The following PCDH9 variants were observed in gnomAD, a reference collection of about 807,000 sequenced individuals.
PCDH9 encodes the protein protocadherin 9.
Under a neutral mutation model 70.6 loss-of-function variants are expected in PCDH9, and 24 were observed. That is an observed-to-expected ratio of 0.34 (90% CI 0.25 to 0.48). The LOEUF (loss-of-function observed/expected upper bound fraction) is 0.48, where lower values mean the gene tolerates loss of function less well. PCDH9 is among the 20% of genes least tolerant of loss of function. The pLI, the probability that PCDH9 is intolerant of heterozygous loss-of-function variation, is 0.99. For missense variants in PCDH9, 1,281 were observed against 1,503.6 expected (o/e 0.85, Z 2.45); for synonymous variants, 562 against 558.5 (o/e 1.01, Z -0.09).
chr13:67,174,963 CAAAAA>C (rs376755966), intron 2 of PCDH9, among the ~76,000 whole-genome samples: 3,671 of 127,360 alleles, frequency 0.029, 71 homozygotes, highest in Non-Finnish European at 0.042. Context: ...TCATCTCTAC[CAAAAA>C]AAAAAAAAAA....
intron 4 of PCDH9, among the ~76,000 whole-genome samples, chr13:66,473,483 G>A (rs1010833992): frequency 6.6e-6 from 1 of 151,788 alleles, no homozygotes; most frequent in African/African-American, 2.4e-5. Flanking sequence ...AATACTACTA[G>A]TAGATGCATA....
chr13:67,183,160 A>G (rs1337697166), intron 2 of PCDH9, among the ~76,000 whole-genome samples: 2 of 152,134 alleles, frequency 1.3e-5, no homozygotes, highest in African/African-American at 4.8e-5. Context: ...ACTACCAAAC[A>G]CTGCAAAAAC....
intron 3 of PCDH9, among the ~76,000 whole-genome samples, chr13:66,820,543 A>G (rs7998136): frequency 0.97 from 147,758 of 152,228 alleles, 71,861 homozygotes; most frequent in East Asian, 1. Flanking sequence ...AAAGACGGAT[A>G]CATGTGTGCA....
chr13:66,440,913 A>G (rs1338327221), intron 4 of PCDH9, among the ~76,000 whole-genome samples: 1 of 152,140 alleles, frequency 6.6e-6, no homozygotes, highest in East Asian at 1.9e-4. Flanking sequence ...CTTCACGGAA[A>G]CACACAGATT....
At chr13:66,709,301 A>G (rs1010454259) in intron 3 of PCDH9, among the ~76,000 whole-genome samples, 3 of 152,234 alleles carry the variant, frequency 2.0e-5, no homozygotes, top group African/African-American at 4.8e-5. Context: ...TATATTTTAC[A>G]TTGCTATTTT....
chr13:66,837,112 C>T (rs1399109604), intron 3 of PCDH9, among the ~76,000 whole-genome samples: 1 of 152,176 alleles, frequency 6.6e-6, no homozygotes, highest in Non-Finnish European at 1.5e-5. Context: ...GGTTATAGAA[C>T]ATGCTGAATT....
intron 4 of PCDH9, among the ~76,000 whole-genome samples, chr13:66,552,376 G>A (rs915247661): frequency 6.6e-6 from 1 of 152,072 alleles, no homozygotes; most frequent in Non-Finnish European, 1.5e-5. Context: ...TGCATGTCTG[G>A]ATGGCTTCCT....
At chr13:66,690,226 G>A (rs1423468861) in intron 3 of PCDH9, among the ~76,000 whole-genome samples, 3 of 151,526 alleles carry the variant, frequency 2.0e-5, no homozygotes, top group Non-Finnish European at 4.4e-5. Flanking sequence ...AGTTTTTTTT[G>A]CATTTAAATA....
chr13:66,692,880 T>C (rs577589865), intron 3 of PCDH9, among the ~76,000 whole-genome samples: 1 of 152,202 alleles, frequency 6.6e-6, no homozygotes, highest in South Asian at 2.1e-4. Context: ...CCTGGGCACA[T>C]TTAATGATAT....
intron 3 of PCDH9, among the ~76,000 whole-genome samples, chr13:66,894,421 G>A (rs1261545133): frequency 1.3e-5 from 2 of 152,046 alleles, no homozygotes; most frequent in Admixed American, 6.6e-5. Flanking sequence ...CTAAAATCAA[G>A]TCAACCCTGA....
At chr13:66,363,151 C>T (rs937016579) in intron 4 of PCDH9, among the ~76,000 whole-genome samples, 5 of 152,082 alleles carry the variant, frequency 3.3e-5, no homozygotes, top group African/African-American at 1.2e-4. Context: ...TGCACTCCAG[C>T]CTGAGTGACA....
At chr13:66,825,220 C>T (rs1277127556) in intron 3 of PCDH9, 2 of 150,184 alleles carry the variant, frequency 1.3e-5, no homozygotes, top group Non-Finnish European at 3.0e-5. Flanking sequence ...TTTTCTTCTT[C>T]TTCTTCTCTC....
intron 3 of PCDH9, among the ~76,000 whole-genome samples, chr13:66,793,307 G>A (rs2080190489): frequency 1.3e-5 from 2 of 151,966 alleles, no homozygotes. Context: ...TTTATTCAAC[G>A]AATACCTTTT....
At chr13:66,626,697 GAC>G (rs2077503655) in intron 4 of PCDH9, among the ~76,000 whole-genome samples, 3 of 152,108 alleles carry the variant, frequency 2.0e-5, no homozygotes, top group African/African-American at 7.2e-5. Flanking sequence ...AAAAATTAGT[GAC>G]ATATGTGTCA....
In PCDH9 at chr13:66,303,295, C is replaced by T. The variant is rs1004207058; in HGVS notation, c.*1360G>A. 2.0e-5 allele frequency: 3 copies of T among 152,364 alleles called. No homozygotes were observed. The highest frequency in any genetic ancestry group is 7.3e-5 in the African/African-American group (3 of 41,374). The allele number at this position is 152,364 out of a possible 1,614,324, so 9.4% of individuals were successfully genotyped here. On this transcript the variant is annotated 3_prime_UTR_variant, in exon 5 of 5. Transcript: ENST00000377865. ...ATTTGTTTGCACGTGCAACTGAGAT[C>T]TTATTAACATTAGTTGTCACTTTAT...
chr13:66,315,708 C>T (rs761921368), intron 4 of PCDH9, among the ~76,000 whole-genome samples: 13 of 152,070 alleles, frequency 8.5e-5, no homozygotes, highest in Non-Finnish European at 1.8e-4. Flanking sequence ...CTCGAACTCC[C>T]GACCTCAGGT....
chr13:66,729,842 T>G (rs1224618574), intron 3 of PCDH9, among the ~76,000 whole-genome samples: 1 of 152,160 alleles, frequency 6.6e-6, no homozygotes, highest in Non-Finnish European at 1.5e-5. Context: ...CTAATCAAGA[T>G]TTCCACATGT....
intron 2 of PCDH9, among the ~76,000 whole-genome samples, chr13:67,106,308 T>C (rs1039837497): frequency 1.4e-4 from 21 of 152,216 alleles, no homozygotes; most frequent in Non-Finnish European, 3.1e-4. Context: ...GGTAGATACA[T>C]GTAACCATTC....
intron 3 of PCDH9, among the ~76,000 whole-genome samples, chr13:66,689,092 ATCTAGC>A (rs1485577226): frequency 2.0e-5 from 3 of 152,208 alleles, no homozygotes; most frequent in Non-Finnish European, 4.4e-5. Context: ...AAATGTATGT[ATCTAGC>A]CACTAATATA....
Sources: gnomAD v4.1 joint callset for allele counts (sites outside exome capture counted in the v4.1 genomes callset) on GRCh38, gnomAD v4.1.1 for gene constraint, MANE v1.5 for transcripts, NCBI Gene and HGNC (gene_info 2026-07-23, HGNC 2026-07-21) for gene names.